Variants in DHX32 observed in about 807,000 individuals in gnomAD.
DHX32 encodes putative pre-mRNA-splicing factor ATP-dependent RNA helicase DHX32.
Under a neutral mutation model 70.0 loss-of-function variants are expected in DHX32, and 51 were observed. That is an observed-to-expected ratio of 0.73 (90% CI 0.58 to 0.92). DHX32 has a LOEUF of 0.92. Among genes scored for constraint, DHX32 ranks in the 40% least tolerant of loss-of-function variants. The probability of loss-of-function intolerance (pLI) is 0.00; values close to 1 mark genes in which losing one functional copy is unlikely to be tolerated. For missense variants in DHX32, 762 were observed against 891.8 expected, an observed-to-expected ratio of 0.85 and a Z score of 1.85; for synonymous variants, 310 against 315.3, an observed-to-expected ratio of 0.98 and a Z score of 0.18.
intron 3 of DHX32, among the ~76,000 whole-genome samples, chr10:125,857,412 C>G (rs77337964): frequency 6.6e-6 from 1 of 152,186 alleles, no homozygotes; most frequent in Non-Finnish European, 1.5e-5. Flanking sequence ...GCTGTTGAGC[C>G]CCTGAACAAT....
At position 125,875,576 on chromosome 10, in the gene DHX32, A is replaced by G. The variant is rs1944279472; in HGVS notation, c.282+4967T>C. On this transcript the variant is annotated intron_variant, in intron 1 of 10. Transcript: ENST00000284690. ...GGAGAGAAAGCTCAGACTTACAGAAAGATTCTAAATAATGTGTAGAAGGCA... is the reference window on the plus strand; with the variant it reads ...GGAGAGAAAGCTCAGACTTACAGAAGGATTCTAAATAATGTGTAGAAGGCA... Among the ~76,000 whole-genome samples the G allele has an allele frequency of 3.3e-5, 5 of 152,392 alleles. 1 individual carries two copies. The South Asian group carries it at 1.0e-3, about 32-fold the overall frequency.
intron 1 of DHX32, among the ~76,000 whole-genome samples, chr10:125,878,955 G>T (rs539081787): frequency 6.8e-6 from 1 of 147,378 alleles, no homozygotes; most frequent in African/African-American, 2.5e-5. Flanking sequence ...TGATCTGCCC[G>T]TCTCGGCCTC....
At chr10:125,885,315 T>C (rs1210174444), upstream of DHX32, among the ~76,000 whole-genome samples, 1 of 152,164 alleles carries the variant, frequency 6.6e-6, no homozygotes, top group East Asian at 1.9e-4. Flanking sequence ...CCTATGAATA[T>C]GTACTTTGCA....
At chr10:125,841,033 G>C in intron 7 of DHX32, 37 bp from the exon 8 acceptor site, 1 of 1,578,580 alleles carries the variant, frequency 6.3e-7, no homozygotes, top group Non-Finnish European at 8.6e-7. Flanking sequence ...TAGCAATAAT[G>C]AAGACATTTT....
At chr10:125,867,287 C>A (rs538096599) in intron 1 of DHX32, 104 bp from the exon 2 acceptor site, 2 of 994,526 alleles carry the variant, frequency 2.0e-6, no homozygotes, top group South Asian at 3.4e-5. Flanking sequence ...TTTCTTTCAT[C>A]AGTAAATCAG....
intron 1 of DHX32, among the ~76,000 whole-genome samples, chr10:125,892,354 G>C (rs1366923581): frequency 2.0e-5 from 3 of 152,176 alleles, no homozygotes; most frequent in African/African-American, 7.3e-5. Context: ...TCTGTCATTT[G>C]AGTGTTGCCA....
At chr10:125,853,695 A>G (rs112082756) in intron 4 of DHX32, 1 of 404,238 alleles carries the variant, frequency 2.5e-6, no homozygotes, top group Non-Finnish European at 4.4e-6. Flanking sequence ...TATCACCTTT[A>G]TGCTCTAGTA....
At chr10:125,876,139 A>G (rs1165859862) in intron 1 of DHX32, among the ~76,000 whole-genome samples, 1 of 152,212 alleles carries the variant, frequency 6.6e-6, no homozygotes, top group African/African-American at 2.4e-5. Context: ...GACTCAGCAC[A>G]TGAGGACTGT....
At chr10:125,855,364 G>T (rs1944137504) in intron 3 of DHX32, among the ~76,000 whole-genome samples, 1 of 151,874 alleles carries the variant, frequency 6.6e-6, no homozygotes, top group Non-Finnish European at 1.5e-5. Flanking sequence ...TCTCACTGGT[G>T]CAACTTAACA....
At chr10:125,893,220 C>CATTT (rs33943332) in intron 1 of DHX32, among the ~76,000 whole-genome samples, 40 of 149,298 alleles carry the variant, frequency 2.7e-4, no homozygotes, top group Admixed American at 4.7e-4. Flanking sequence ...CCTGCAGTCC[C>CATTT]ATTTATTTAT....
chr10:125,842,927 T>C (rs1235293466), intron 6 of DHX32: 3 of 365,398 alleles, frequency 8.2e-6, no homozygotes, highest in Non-Finnish European at 1.1e-5. Flanking sequence ...ATATATTCTC[T>C]TTGTGGAATA....
Position 125,852,330 on chromosome 10 carries a change from A to G in DHX32, c.1314T>C (p.Ile438=), listed in dbSNP as rs1944101700. The G allele has an allele frequency of 1.9e-6, 3 of 1,614,038 alleles. No individual in the cohort carries two copies. The highest frequency in any genetic ancestry group is 2.7e-5 in the African/African-American group (2 of 74,912). Residue 438 remains isoleucine, a synonymous_variant, in exon 6 of 11, where the codon ATT becomes ATC. Coordinates refer to ENST00000284690, the MANE Select transcript of DHX32 (RefSeq NM_018180.3). ...SMVLFMKRID[I]AGLGHCDFMN... is the part of the protein sequence containing the mutation. ...TGAAGTCACAGTGGCCTAGGCCCGC[A>G]ATGTCTATCCTCTTCATAAAAAGCA...
chr10:125,850,411 G>C (rs1944075819), intron 6 of DHX32, among the ~76,000 whole-genome samples: 2 of 141,134 alleles, frequency 1.4e-5, no homozygotes, highest in South Asian at 4.4e-4. Context: ...AGGCTGCAGT[G>C]CAATGGCGCA....
intron 2 of DHX32, among the ~76,000 whole-genome samples, chr10:125,865,553 A>G (rs972739344): frequency 6.6e-6 from 1 of 152,098 alleles, no homozygotes; most frequent in South Asian, 2.1e-4. Flanking sequence ...TTTCTGGGAC[A>G]GGGTCTCACT....
rs558654554 is a variant in DHX32, at chr10:125,836,441, T to G, written c.*246A>C. On this transcript the variant is annotated 3_prime_UTR_variant, in exon 11 of 11. Coordinates refer to ENST00000284690, the MANE Select transcript of DHX32 (RefSeq NM_018180.3). ...TTTACAAAATACCAGTTTTTTAAAA[T>G]TTTGGTCAAATTATGAGTGGTTGAT... The G allele has an allele frequency of 4.3e-5, 62 of 1,434,464 alleles. No homozygotes were observed. In the African/African-American group the frequency reaches 8.2e-4, roughly 19 times the overall value. 88.9% of individuals were successfully genotyped at this position (1,434,464 alleles called of 1,614,324 possible). A position where few individuals can be genotyped will look rare whatever the true frequency, so the allele number is the denominator to read the frequency against.
intron 1 of DHX32, among the ~76,000 whole-genome samples, chr10:125,880,338 T>TA (rs1344167489): frequency 2.6e-5 from 4 of 152,242 alleles, no homozygotes; most frequent in African/African-American, 9.6e-5. Context: ...TAAACACAAT[T>TA]AATTTCTACA....
chr10:125,889,546 A>G (rs561974913), intron 1 of DHX32, among the ~76,000 whole-genome samples: 80 of 152,404 alleles, frequency 5.2e-4, no homozygotes, highest in African/African-American at 1.8e-3. Flanking sequence ...TGCTTCCTAC[A>G]CTGAAGAGGT....
chr10:125,852,386 C>G lies in DHX32; in HGVS notation c.1258G>C (p.Glu420Gln), dbSNP rs1944102602. The G allele has an allele frequency of 6.2e-7, 1 of 1,614,108 alleles. No individual in the cohort carries two copies. Among genetic ancestry groups the G allele is most frequent in the Admixed American group, 1.7e-5 (1 of 60,014 alleles). ...SKDMTPLKPA[E>Q]MQEANLTSMV... Reference sequence around the variant, plus strand: ...CTTGTTAGGTTGGCTTCCTGCATTTCTGCTGGCTTCAGTGGCGTCATGTCT... The same window carrying G: ...CTTGTTAGGTTGGCTTCCTGCATTTGTGCTGGCTTCAGTGGCGTCATGTCT... The change falls in exon 6 of 11, where the codon GAA becomes CAA. Residue 420 changes from glutamate to glutamine, a missense_variant. This residue lies in a region of DHX32 where 366 missense variants were observed against 402.6 expected (regional missense o/e 0.91). Coordinates refer to ENST00000284690, the MANE Select transcript of DHX32 (RefSeq NM_018180.3).
Position 125,841,938 on chromosome 10 carries a change from G to A in DHX32, c.1352-4C>T. On this transcript the variant is annotated splice_region_variant and splice_polypyrimidine_tract_variant and intron_variant, in intron 6 of 10. Coordinates refer to ENST00000284690, the MANE Select transcript of DHX32 (RefSeq NM_018180.3). ...GCCTGCATCAAACTTTCTGGTGCTA[G>A]GAAAGGAAAAAAATAATAATTTAAG... 4 of 1,576,112 alleles carry A rather than the reference G, an allele frequency of 2.5e-6. No individual in the cohort carries two copies. Among genetic ancestry groups the A allele is most frequent in the Admixed American group, 3.9e-5 (2 of 50,826 alleles).
Sources: allele counts gnomAD v4.1 joint callset (sites outside exome capture counted in the v4.1 genomes callset), GRCh38; gene constraint gnomAD v4.1.1; regional missense constraint gnomAD v4.1.1; transcripts MANE v1.5; gene names NCBI Gene and HGNC (gene_info 2026-07-23, HGNC 2026-07-21).